CA10: variants seen among roughly 807,000 people sequenced by gnomAD.
The protein encoded by CA10 is carbonic anhydrase 10 (inactive).
A neutral mutation model predicts 44.2 loss-of-function variants in CA10; 14 were observed. That is an observed-to-expected ratio of 0.32 (90% CI 0.21 to 0.50). The LOEUF is 0.50. Among genes scored for constraint, CA10 ranks in the 20% least tolerant of loss-of-function variants. The pLI is 0.99. For missense variants in CA10, 350 were observed against 409.7 expected (o/e 0.85, Z 1.26); for synonymous variants, 159 against 141.6 (o/e 1.12, Z -0.87).
chr17:52,150,474 G>A (rs1231184746), intron 1 of CA10, among the ~76,000 whole-genome samples: 2 of 152,140 alleles, frequency 1.3e-5, no homozygotes, highest in Non-Finnish European at 2.9e-5. Flanking sequence ...AGTACCTGAT[G>A]TATAATGTAT....
At chr17:51,640,610 C>T (rs924523310) in intron 6 of CA10, among the ~76,000 whole-genome samples, 1 of 152,180 alleles carries the variant, frequency 6.6e-6, no homozygotes, top group Non-Finnish European at 1.5e-5. Flanking sequence ...GGCTAACTTT[C>T]TGCATCTTCT....
chr17:51,836,621 T>C (rs1908487137), intron 3 of CA10, among the ~76,000 whole-genome samples: 5 of 152,172 alleles, frequency 3.3e-5, no homozygotes, highest in Non-Finnish European at 7.3e-5. Context: ...GAAAAAGACA[T>C]GGGTTCATGC....
At chr17:51,928,448 C>A (rs1296508658) in intron 3 of CA10, among the ~76,000 whole-genome samples, 1 of 152,072 alleles carries the variant, frequency 6.6e-6, no homozygotes, top group Non-Finnish European at 1.5e-5. Context: ...AGCCCTTGTT[C>A]CTTCATTTGA....
At chr17:52,071,157 G>A (rs1427423041) in intron 2 of CA10, among the ~76,000 whole-genome samples, 1 of 152,092 alleles carries the variant, frequency 6.6e-6, no homozygotes, top group Admixed American at 6.6e-5. Context: ...TAGAAACCTG[G>A]TCATTTCTAG....
chr17:51,899,296 G>A (rs1981209178), intron 3 of CA10, among the ~76,000 whole-genome samples: 1 of 151,900 alleles, frequency 6.6e-6, no homozygotes, highest in African/African-American at 2.4e-5. Context: ...TTTTTACCTT[G>A]ATTTTGTTGT....
intron 2 of CA10, among the ~76,000 whole-genome samples, chr17:51,950,597 G>C (rs993637226): frequency 6.6e-6 from 1 of 151,914 alleles, no homozygotes; most frequent in Non-Finnish European, 1.5e-5. Flanking sequence ...TCTTCATTTG[G>C]GCCACCGCTT....
intron 2 of CA10, among the ~76,000 whole-genome samples, chr17:51,989,381 C>A (rs568237763): frequency 2.6e-4 from 40 of 152,026 alleles, no homozygotes; most frequent in Non-Finnish European, 5.4e-4. Context: ...GTGTTCTCAC[C>A]TTTTAGCTTC....
chr17:52,038,932 G>A (rs995791723), intron 2 of CA10, among the ~76,000 whole-genome samples: 1 of 152,058 alleles, frequency 6.6e-6, no homozygotes, highest in African/African-American at 2.4e-5. Context: ...TTCAAATAGT[G>A]TCATAGAAAT....
At chr17:51,884,529 T>C (rs937524534) in intron 3 of CA10, among the ~76,000 whole-genome samples, 4 of 152,170 alleles carry the variant, frequency 2.6e-5, no homozygotes, top group Non-Finnish European at 5.9e-5. Flanking sequence ...TTATGTTCTA[T>C]TCTCATTGAG....
Position 51,676,222 on chromosome 17 carries a change from A to G in CA10, c.466-22486T>C, listed in dbSNP as rs183997594. Among the ~76,000 whole-genome samples, 11 of 152,334 alleles carry G rather than the reference A, an allele frequency of 7.2e-5. 1 individual carries two copies. The highest frequency in any genetic ancestry group is 7.2e-4 in the Admixed American group (11 of 15,306). On this transcript the variant is annotated intron_variant, in intron 4 of 8. Transcript: ENST00000451037. ...ACCAAACTGTTTTCCTATATTTTAA[A>G]GTTGAGCACTTATGTGTGCCAGGCC...
chr17:51,870,523 C>T (rs759941050), intron 3 of CA10, among the ~76,000 whole-genome samples: 3 of 152,142 alleles, frequency 2.0e-5, no homozygotes, highest in Non-Finnish European at 4.4e-5. Flanking sequence ...ATAAAACAGT[C>T]CATAAAAGCT....
chr17:51,929,304 G>C (rs1411784923), intron 3 of CA10, among the ~76,000 whole-genome samples: 7 of 152,020 alleles, frequency 4.6e-5, no homozygotes, highest in African/African-American at 1.4e-4. Flanking sequence ...GTTTGTGTTA[G>C]TTTGACACAT....
chr17:51,913,695 C>T (rs1378272085), intron 3 of CA10, among the ~76,000 whole-genome samples: 2 of 152,026 alleles, frequency 1.3e-5, no homozygotes, highest in East Asian at 3.9e-4. Flanking sequence ...TCCAAGGAAA[C>T]ATATGTCTCC....
At chr17:51,831,672 G>GCAGCAT (rs1248627916) in intron 3 of CA10, among the ~76,000 whole-genome samples, 1 of 41,578 alleles carries the variant, frequency 2.4e-5, no homozygotes, top group African/African-American at 8.9e-5. Context: ...AGAAAAAGCA[G>GCAGCAT]CAGCAGCAGC....
At chr17:51,900,527 G>C (rs543762488) in intron 3 of CA10, among the ~76,000 whole-genome samples, 2 of 152,212 alleles carry the variant, frequency 1.3e-5, no homozygotes, top group South Asian at 4.2e-4. Context: ...ATCTTGTATA[G>C]TATCTCACAG....
At chr17:52,140,623 CTGTT>C (rs1422704124) in intron 1 of CA10, among the ~76,000 whole-genome samples, 1 of 152,206 alleles carries the variant, frequency 6.6e-6, no homozygotes, top group Non-Finnish European at 1.5e-5. Flanking sequence ...CAGTGGGCCA[CTGTT>C]TGTCAGCCCC....
At position 52,051,314 on chromosome 17, in the gene CA10, TA is replaced by T. The variant is rs1245783297; in HGVS notation, c.136+21004del. Among the ~76,000 whole-genome samples the T allele has an allele frequency of 2.6e-5, 4 of 151,896 alleles. No individual in the cohort carries two copies. In the East Asian group the frequency reaches 7.8e-4, roughly 30 times the overall value. ...ATTGACAAATGGGATCTAATTAAAC[TA>T]AAGAACTTCTGCACAGCAAAAGAAA... is the stretch of plus-strand genomic sequence containing the variant. On this transcript the variant is annotated intron_variant, in intron 2 of 8. Transcript: ENST00000451037.
chr17:51,747,784 A>G lies in CA10; in HGVS notation c.314T>C (p.Val105Ala). The G allele has an allele frequency of 6.2e-7, 1 of 1,613,894 alleles. No individual in the cohort carries two copies. The change falls in exon 4 of 9, where the codon GTA (valine) becomes GCA (alanine). Residue 105 changes from valine to alanine, a missense_variant. Transcript: ENST00000451037. ...SGTMYNTGRH[V>A]SLRLDKEHLV... ...GTGCTCCTTGTCCAGGCGAAGGGAT[A>G]CGTGTCTTCCAGTGTTGTACATGGT...
chr17:51,806,756 G>C (rs899633310), intron 3 of CA10, among the ~76,000 whole-genome samples: 11 of 152,208 alleles, frequency 7.2e-5, no homozygotes, highest in South Asian at 2.1e-4. Flanking sequence ...AATCTACCTT[G>C]AGACTGAATT....
Sources: gnomAD v4.1 joint callset for allele counts (sites outside exome capture counted in the v4.1 genomes callset) on GRCh38, gnomAD v4.1.1 for gene constraint, MANE v1.5 for transcripts, NCBI Gene and HGNC (gene_info 2026-07-23, HGNC 2026-07-21) for gene names.